The following SHISAL1 variants were observed in gnomAD, a reference collection of about 807,000 sequenced individuals.
The protein encoded by SHISAL1 is shisa like 1.
A neutral mutation model predicts 22.6 loss-of-function variants in SHISAL1; 9 were observed. The observed-to-expected ratio is 0.40, with a 90% CI of 0.24 to 0.70. The LOEUF is 0.70. SHISAL1 is among the 30% of genes least tolerant of loss of function. The probability of loss-of-function intolerance (pLI) is 0.39; values close to 1 mark genes in which losing one functional copy is unlikely to be tolerated. For synonymous variants in SHISAL1, 119 were observed against 115.4 expected, an observed-to-expected ratio of 1.03 and a Z score of -0.20; for missense variants, 246 against 270.6, an observed-to-expected ratio of 0.91 and a Z score of 0.64.
At position 44,299,581 on chromosome 22, in the gene SHISAL1, C is replaced by A. The variant is rs938873705; in HGVS notation, c.67+1298G>T. 3.3e-5 allele frequency among the ~76,000 whole-genome samples: 5 copies of A among 152,326 alleles called. No homozygotes were observed. In the East Asian group the frequency reaches 9.7e-4, roughly 29 times the overall value. ...GCTGTCCGGGGAGCCCTGCCAAGCA[C>A]CCCCAGACATCCTCATAGCCTCCCT... On this transcript the variant is annotated intron_variant, in intron 2 of 4. Transcript: ENST00000381176.
chr22:44,328,269 G>A, the SHISAL1 span, among the ~76,000 whole-genome samples: 1 of 152,150 alleles, frequency 6.6e-6, no homozygotes, highest in African/African-American at 2.4e-5. Flanking sequence ...TGTAGTGGTT[G>A]GGAGCCTGGT....
the SHISAL1 span, among the ~76,000 whole-genome samples, chr22:44,321,238 A>T: frequency 6.6e-6 from 1 of 152,286 alleles, no homozygotes; most frequent in South Asian, 2.1e-4. Flanking sequence ...CTGCGACGAG[A>T]GTCCTCCAGC....
At chr22:44,328,192 C>A in the SHISAL1 span, among the ~76,000 whole-genome samples, 275 of 152,260 alleles carry the variant, frequency 1.8e-3, 1 homozygote, top group African/African-American at 6.4e-3. Flanking sequence ...GGGGCCCCTG[C>A]CCCCTCATGG....
At chr22:44,293,146 A>C (rs2147296422) in intron 3 of SHISAL1, among the ~76,000 whole-genome samples, 1 of 152,118 alleles carries the variant, frequency 6.6e-6, no homozygotes, top group East Asian at 1.9e-4. Flanking sequence ...TGGGGCTCCC[A>C]CCTTCTTAAA....
At chr22:44,263,079 C>CTTTCTTTCT (rs55901041) in intron 4 of SHISAL1, among the ~76,000 whole-genome samples, 5 of 88,252 alleles carry the variant, frequency 5.7e-5, no homozygotes, top group East Asian at 7.2e-4. Context: ...TTCTTTCTTT[C>CTTTCTTTCT]TTTTTTTTTT....
intron 4 of SHISAL1, among the ~76,000 whole-genome samples, chr22:44,263,084 T>C (rs931930330): frequency 4.2e-5 from 6 of 142,136 alleles, no homozygotes; most frequent in Admixed American, 1.4e-4. Context: ...TCTTTCTTTT[T>C]TTTTTTTTTT....
the SHISAL1 span, among the ~76,000 whole-genome samples, chr22:44,327,240 G>A: frequency 1.5e-3 from 223 of 144,994 alleles, 2 homozygotes; most frequent in East Asian, 0.015. Context: ...TGGGGGGCGC[G>A]CACACACACA....
intron 4 of SHISAL1, among the ~76,000 whole-genome samples, chr22:44,262,878 C>T (rs540002585): frequency 1.3e-5 from 2 of 152,290 alleles, no homozygotes; most frequent in South Asian, 2.1e-4. Context: ...ATGAAAGCTT[C>T]CAGAATGTGG....
the SHISAL1 span, among the ~76,000 whole-genome samples, chr22:44,327,384 G>A: frequency 6.6e-6 from 1 of 152,274 alleles, no homozygotes; most frequent in East Asian, 1.9e-4. Flanking sequence ...GGGAAGTGGG[G>A]ACGGCCCGTG....
At chr22:44,266,501 G>A (rs2055163046) in intron 4 of SHISAL1, among the ~76,000 whole-genome samples, 2 of 131,520 alleles carry the variant, frequency 1.5e-5, no homozygotes, top group Admixed American at 7.8e-5. Context: ...GGGCTCTGGT[G>A]TATGTGTGTG....
the SHISAL1 span, among the ~76,000 whole-genome samples, chr22:44,318,227 T>C: frequency 6.6e-6 from 1 of 152,266 alleles, no homozygotes; most frequent in Admixed American, 6.5e-5. Context: ...ACATCCCTTA[T>C]AACGGGGAGA....
the SHISAL1 span, among the ~76,000 whole-genome samples, chr22:44,327,719 C>T: frequency 6.6e-6 from 1 of 152,056 alleles, no homozygotes; most frequent in East Asian, 1.9e-4. Context: ...AGAGATGGGG[C>T]CACCCTCCTG....
chr22:44,263,458 A>G (rs752911442), intron 4 of SHISAL1, among the ~76,000 whole-genome samples: 38 of 152,202 alleles, frequency 2.5e-4, no homozygotes, highest in Non-Finnish European at 4.4e-4. Flanking sequence ...GTCCCTGCAG[A>G]CAGTACAGGG....
chr22:44,330,653 T>G, the SHISAL1 span, among the ~76,000 whole-genome samples: 1 of 148,592 alleles, frequency 6.7e-6, no homozygotes, highest in African/African-American at 2.5e-5. Context: ...CGCGCTGGCT[T>G]TTTCCCCCTG....
chr22:44,290,289 G>A (rs540977894), intron 3 of SHISAL1, among the ~76,000 whole-genome samples: 2 of 152,292 alleles, frequency 1.3e-5, no homozygotes, highest in East Asian at 3.9e-4. Flanking sequence ...CAGCACTCTG[G>A]GAGGCCGAAG....
At chr22:44,325,358 C>A in the SHISAL1 span, among the ~76,000 whole-genome samples, 21 of 152,222 alleles carry the variant, frequency 1.4e-4, no homozygotes, top group Admixed American at 9.1e-4. Flanking sequence ...GAGAGAGGCT[C>A]CATCAGCACA....
chr22:44,329,560 A>C, the SHISAL1 span, among the ~76,000 whole-genome samples: 1 of 152,168 alleles, frequency 6.6e-6, no homozygotes, highest in Non-Finnish European at 1.5e-5. Context: ...CGTGAAGATG[A>C]CATTAAAGAA....
intron 4 of SHISAL1, among the ~76,000 whole-genome samples, chr22:44,264,867 C>T (rs1376438593): frequency 6.6e-6 from 1 of 151,734 alleles, no homozygotes; most frequent in Non-Finnish European, 1.5e-5. Context: ...ATTCACAAGC[C>T]ACGTGATCTT....
chr22:44,321,988 C>T, the SHISAL1 span, among the ~76,000 whole-genome samples: 3 of 152,100 alleles, frequency 2.0e-5, no homozygotes, highest in Non-Finnish European at 4.4e-5. Context: ...GGCAAAACCA[C>T]ATGGTGGTGA....
Sources: allele counts gnomAD v4.1 joint callset (sites outside exome capture counted in the v4.1 genomes callset), GRCh38; gene constraint gnomAD v4.1.1; transcripts MANE v1.5; gene names NCBI Gene and HGNC (gene_info 2026-07-23, HGNC 2026-07-21).